Variants in ARHGAP44 observed in about 807,000 individuals in gnomAD.
The protein encoded by ARHGAP44 is Rho GTPase activating protein 44, also known as rho GTPase-activating protein 44.
A neutral mutation model predicts 106.8 loss-of-function variants in ARHGAP44; 43 were observed. That is an observed-to-expected ratio of 0.40 (90% CI 0.32 to 0.52). The LOEUF (loss-of-function observed/expected upper bound fraction) is 0.52, where lower values mean the gene tolerates loss of function less well. ARHGAP44 is among the 20% of genes least tolerant of loss of function. The pLI, the probability that ARHGAP44 is intolerant of heterozygous loss-of-function variation, is 0.48. For missense variants in ARHGAP44, 866 were observed against 1,050.5 expected, an observed-to-expected ratio of 0.82 and a Z score of 2.43; for synonymous variants, 439 against 410.3, an observed-to-expected ratio of 1.07 and a Z score of -0.85.
intron 1 of ARHGAP44, among the ~76,000 whole-genome samples, chr17:12,795,974 A>C (rs1231638059): frequency 1.3e-5 from 2 of 152,094 alleles, no homozygotes; most frequent in African/African-American, 2.4e-5. Flanking sequence ...AATTCAATTT[A>C]CTTTTTTTAA....
chr17:12,906,005 G>A (rs2037534649), intron 3 of ARHGAP44, among the ~76,000 whole-genome samples: 1 of 152,150 alleles, frequency 6.6e-6, no homozygotes, highest in African/African-American at 2.4e-5. Flanking sequence ...TCTGTGCCTT[G>A]TAGGATGTTT....
intron 1 of ARHGAP44, among the ~76,000 whole-genome samples, chr17:12,873,926 T>TAAAC (rs1400472534): frequency 2.9e-5 from 1 of 33,980 alleles, no homozygotes; most frequent in Non-Finnish European, 3.5e-4. Context: ...AATAAATAAA[T>TAAAC]AAACAAATAA....
chr17:12,853,342 T>C (rs2035817827), intron 1 of ARHGAP44, among the ~76,000 whole-genome samples: 1 of 152,180 alleles, frequency 6.6e-6, no homozygotes, highest in Admixed American at 6.5e-5. Flanking sequence ...TCTACATTTA[T>C]AGCATATTAG....
chr17:12,913,605 C>A (rs922694680), intron 4 of ARHGAP44, among the ~76,000 whole-genome samples: 3 of 149,958 alleles, frequency 2.0e-5, no homozygotes, highest in Non-Finnish European at 4.4e-5. Context: ...GAATAAATAC[C>A]AGAAAATCAG....
intron 18 of ARHGAP44, among the ~76,000 whole-genome samples, chr17:12,975,521 G>A (rs369054704): frequency 6.6e-6 from 1 of 152,012 alleles, no homozygotes; most frequent in Admixed American, 6.6e-5. Flanking sequence ...AAAGATGGCC[G>A]GGCACGGTGG....
chr17:12,926,138 G>A (rs1010508138), intron 6 of ARHGAP44, among the ~76,000 whole-genome samples: 1 of 152,044 alleles, frequency 6.6e-6, no homozygotes, highest in Non-Finnish European at 1.5e-5. Flanking sequence ...GCGAATGAGG[G>A]TGGATGGCCT....
chr17:12,821,639 C>A (rs1470593068), intron 1 of ARHGAP44, among the ~76,000 whole-genome samples: 1 of 152,214 alleles, frequency 6.6e-6, no homozygotes, highest in East Asian at 1.9e-4. Context: ...AAACTTTGAT[C>A]CTAAAACACC....
chr17:12,816,162 A>G (rs73288399), intron 1 of ARHGAP44, among the ~76,000 whole-genome samples: 23 of 152,294 alleles, frequency 1.5e-4, no homozygotes, highest in African/African-American at 5.1e-4. Context: ...GGAAGCCAAC[A>G]AAGAAAATGT....
chr17:12,908,120 C>T (rs1205923777), intron 3 of ARHGAP44, among the ~76,000 whole-genome samples: 1 of 150,588 alleles, frequency 6.6e-6, no homozygotes, highest in East Asian at 1.9e-4. Flanking sequence ...TATTTTCATG[C>T]TTACTCTTTC....
At position 12,928,886 on chromosome 17, in the gene ARHGAP44, G is replaced by A. The variant is rs759217387; in HGVS notation, c.465-43G>A. ...TCAGTGCTCCCATGGGATCCCCAGG[G>A]CTCTACCTGTCTCACATCTCTTTTT... On this transcript the variant is annotated intron_variant, in intron 6 of 20. Transcript: ENST00000379672. 31 of 1,535,970 alleles carry A rather than the reference G, an allele frequency of 2.0e-5. 1 individual carries two copies. In the Middle Eastern group the frequency reaches 1.2e-3, roughly 58 times the overall value.
intron 13 of ARHGAP44, among the ~76,000 whole-genome samples, chr17:12,953,413 A>T (rs1023285403): frequency 2.0e-5 from 3 of 152,186 alleles, no homozygotes; most frequent in Non-Finnish European, 4.4e-5. Flanking sequence ...ACCTACTGCC[A>T]TCTGCCTGGT....
At chr17:12,841,139 G>T (rs114241939) in intron 1 of ARHGAP44, among the ~76,000 whole-genome samples, 2,061 of 152,228 alleles carry the variant, frequency 0.014, 46 homozygotes, top group African/African-American at 0.047. Context: ...CTTGAGGAAG[G>T]CGCCTTTTCC....
chr17:12,931,871 C>T (rs975384739), intron 7 of ARHGAP44, among the ~76,000 whole-genome samples: 10 of 145,702 alleles, frequency 6.9e-5, no homozygotes, highest in Non-Finnish European at 4.6e-5. Context: ...CACACACACA[C>T]ACACACACAT....
chr17:12,945,400 T>G (rs997308294), intron 10 of ARHGAP44, among the ~76,000 whole-genome samples: 1 of 152,214 alleles, frequency 6.6e-6, no homozygotes, highest in African/African-American at 2.4e-5. Context: ...TAGACTATTT[T>G]AATATCTTTA....
Position 12,990,065 on chromosome 17 carries a change from T to A in ARHGAP44, c.2351T>A (p.Ile784Lys), listed in dbSNP as rs534940656. The change falls in exon 21 of 21, where the codon ATA becomes AAA. Residue 784 changes from isoleucine (I) to lysine (K), a missense_variant. By Grantham distance (102) the Ile-to-Lys change is moderately radical. Around this residue, in one of 2 missense-constraint regions of ARHGAP44, gnomAD observed 418 missense variants for 403.6 expected, o/e 1.04. Transcript: ENST00000379672. ...CACTTTGATATTCCCTCGATCCACA[T>A]AGAGCTCGGGTCGACGCTCCGCCTG... The part of the protein sequence containing the change: ...LVHFDIPSIH[I>K]ELGSTLRLSP... 2 of 1,612,152 alleles carry A rather than the reference T, an allele frequency of 1.2e-6. No individual in the cohort carries two copies. The highest frequency in any genetic ancestry group is 1.7e-6 in the Non-Finnish European group (2 of 1,178,520).
At chr17:12,865,824 A>G (rs905623382) in intron 1 of ARHGAP44, among the ~76,000 whole-genome samples, 1 of 151,764 alleles carries the variant, frequency 6.6e-6, no homozygotes, top group Non-Finnish European at 1.5e-5. Flanking sequence ...AGTAGTGAGC[A>G]GTGAATCTTG....
At chr17:12,917,905 CCT>C (rs1241783716) in intron 5 of ARHGAP44, among the ~76,000 whole-genome samples, 2 of 152,184 alleles carry the variant, frequency 1.3e-5, no homozygotes, top group African/African-American at 2.4e-5. Flanking sequence ...TGTCTGGCTT[CCT>C]CTCTGAACCA....
At chr17:12,894,729 A>G (rs558374538) in intron 1 of ARHGAP44, among the ~76,000 whole-genome samples, 36 of 152,280 alleles carry the variant, frequency 2.4e-4, no homozygotes, top group African/African-American at 8.2e-4. Flanking sequence ...GTAGCAGGAG[A>G]GTCTTCAGGG....
chr17:12,853,185 C>A (rs1394796515), intron 1 of ARHGAP44, among the ~76,000 whole-genome samples: 1 of 152,210 alleles, frequency 6.6e-6, no homozygotes, highest in Non-Finnish European at 1.5e-5. Flanking sequence ...CTAGGTCCAG[C>A]AGTCCAAAAG....
Sources: allele counts gnomAD v4.1 joint callset (sites outside exome capture counted in the v4.1 genomes callset), GRCh38; gene constraint gnomAD v4.1.1; regional missense constraint gnomAD v4.1.1; transcripts MANE v1.5; gene names NCBI Gene and HGNC (gene_info 2026-07-23, HGNC 2026-07-21).